Variants in TJP1 observed in about 807,000 individuals in gnomAD.
TJP1 encodes tight junction protein ZO-1.
Under a neutral mutation model 194.2 loss-of-function variants are expected in TJP1, and 43 were observed. The observed-to-expected ratio is 0.22, with a 90% CI of 0.17 to 0.29. TJP1 has a LOEUF of 0.29. Among genes scored for constraint, TJP1 ranks in the 10% least tolerant of loss-of-function variants. TJP1 has a pLI of 1.00. For missense variants in TJP1, 1,971 were observed against 2,185.7 expected (o/e 0.90, Z 1.96); for synonymous variants, 801 against 779.0 (o/e 1.03, Z -0.47).
At chr15:29,947,117 A>C (rs1383848844) in intron 2 of TJP1, among the ~76,000 whole-genome samples, 1 of 152,204 alleles carries the variant, frequency 6.6e-6, no homozygotes, top group Non-Finnish European at 1.5e-5. Flanking sequence ...GTATAAATCT[A>C]AATCATGCAA....
At chr15:29,940,176 C>T (rs1195818260) in intron 2 of TJP1, among the ~76,000 whole-genome samples, 1 of 152,156 alleles carries the variant, frequency 6.6e-6, no homozygotes, top group Non-Finnish European at 1.5e-5. Context: ...CTAGAAAGAA[C>T]TTAACTATAG....
rs899837033 is a variant in TJP1 at position 29,791,108 on chromosome 15, T to C, written c.84+9538A>G. Among the ~76,000 whole-genome samples, 4 of 152,000 alleles carry C rather than the reference T, an allele frequency of 2.6e-5. No homozygotes were observed. The South Asian group carries it at 6.2e-4, about 24-fold the overall frequency. On this transcript the variant is annotated intron_variant, in intron 2 of 27. Transcript: ENST00000614355. ...ATGGCGCGATTTCGGCTCACTGCAA[T>C]CTCTGCCTCCCGGGTTGAAGCAATT...
intron 2 of TJP1, among the ~76,000 whole-genome samples, chr15:29,777,600 T>C (rs978594632): frequency 2.6e-5 from 4 of 152,002 alleles, no homozygotes; most frequent in Admixed American, 2.0e-4. Context: ...CATTAAAGTA[T>C]AACATATTTC....
intron 1 of TJP1, chr15:29,968,530 C>G (rs895053587): frequency 1.2e-5 from 10 of 808,288 alleles, no homozygotes; most frequent in Non-Finnish European, 1.3e-5. Context: ...CGGCGCGCCC[C>G]GCGTCCCGTC....
intron 6 of TJP1, 24 bp downstream of exon 6, chr15:29,762,311 T>TA: frequency 6.3e-7 from 1 of 1,577,862 alleles, no homozygotes; most frequent in Non-Finnish European, 8.7e-7. Context: ...TTCAGTTCAT[T>TA]AAAAAGTAAG....
In TJP1 at chr15:29,880,046, T is replaced by C. The variant is rs1287311145; in HGVS notation, c.306+76186A>G. Among the ~76,000 whole-genome samples the C allele has an allele frequency of 3.9e-5, 6 of 152,246 alleles. 1 individual carries two copies. The highest frequency in any genetic ancestry group is 7.2e-5 in the African/African-American group (3 of 41,462). On this transcript the variant is annotated intron_variant, in intron 2 of 28. Transcript: ENST00000356107. Reference sequence around the variant, plus strand: ...CAAAAAAATTATCATTAGAATACAATTAATTTTAAAATTATGAGAGCTTTT... The same window carrying C: ...CAAAAAAATTATCATTAGAATACAACTAATTTTAAAATTATGAGAGCTTTT...
chr15:29,836,501 G>C (rs1240049572), intron 2 of TJP1, among the ~76,000 whole-genome samples: 1 of 152,010 alleles, frequency 6.6e-6, no homozygotes, highest in Non-Finnish European at 1.5e-5. Flanking sequence ...TCCATCTCCT[G>C]ACCTCGTGAA....
chr15:29,746,400 T>C (rs2044785709), intron 8 of TJP1, among the ~76,000 whole-genome samples: 1 of 148,828 alleles, frequency 6.7e-6, no homozygotes, highest in East Asian at 2.0e-4. Flanking sequence ...AGAAAGAAAA[T>C]AACTTCAAAA....
chr15:29,718,652 C>G lies in TJP1; in HGVS notation c.3490G>C (p.Gly1164Arg), dbSNP rs1029580039. ...ALRHEEQPAP[G>R]YDTHGRLRPE... ...CTGAGTCTACCATGTGTGTCATACC[C>G]AGGAGCTGGCTGCTCTTCGTGCCGC... Residue 1164 changes from glycine to arginine, a missense_variant, in exon 21 of 28, where the codon GGG (glycine) becomes CGG (arginine). Gly to Arg is a moderately radical substitution (Grantham distance 125). Coordinates refer to ENST00000614355, the MANE Select transcript of TJP1 (RefSeq NM_001330239.4). 1 of 1,614,146 alleles carries G rather than the reference C, an allele frequency of 6.2e-7. No homozygotes were observed.
chr15:29,702,813 T>A (rs1038861382), intron 27 of TJP1, among the ~76,000 whole-genome samples: 8 of 152,214 alleles, frequency 5.3e-5, no homozygotes, highest in African/African-American at 1.4e-4. Context: ...ATGCTCTTGC[T>A]ATAATCTTTA....
chr15:29,870,124 G>C (rs976188760), intron 2 of TJP1, among the ~76,000 whole-genome samples: 3 of 151,156 alleles, frequency 2.0e-5, no homozygotes, highest in African/African-American at 4.9e-5. Context: ...ACAGGCGTGA[G>C]CCACTGTGCC....
chr15:29,863,210 C>G (rs886607880), intron 2 of TJP1, among the ~76,000 whole-genome samples: 4 of 151,780 alleles, frequency 2.6e-5, no homozygotes, highest in African/African-American at 4.8e-5. Flanking sequence ...GCAGGAGAAT[C>G]GCTTGAACCC....
chr15:29,811,320 A>C (rs948977198), intron 1 of TJP1, among the ~76,000 whole-genome samples: 7 of 151,786 alleles, frequency 4.6e-5, no homozygotes, highest in African/African-American at 1.7e-4. Context: ...GAAACTAATC[A>C]AACCTGGATT....
chr15:29,933,791 A>G (rs2054797226), intron 2 of TJP1, among the ~76,000 whole-genome samples: 1 of 152,166 alleles, frequency 6.6e-6, no homozygotes, highest in African/African-American at 2.4e-5. Flanking sequence ...AAAAACACAA[A>G]TGCCTGAAAG....
chr15:29,916,483 C>T (rs2054191343), intron 2 of TJP1, among the ~76,000 whole-genome samples: 1 of 151,690 alleles, frequency 6.6e-6, no homozygotes, highest in Non-Finnish European at 1.5e-5. Flanking sequence ...CTAACATCAT[C>T]CTTAATTAAA....
At chr15:29,818,347 T>TACCAC (rs2050079546) in intron 1 of TJP1, among the ~76,000 whole-genome samples, 1 of 152,234 alleles carries the variant, frequency 6.6e-6, no homozygotes, top group South Asian at 2.1e-4. Context: ...CAATGATTCA[T>TACCAC]ACCACTTTCT....
chr15:29,850,181 A>C (rs1436457865), intron 2 of TJP1, among the ~76,000 whole-genome samples: 1 of 152,170 alleles, frequency 6.6e-6, no homozygotes, highest in Non-Finnish European at 1.5e-5. Flanking sequence ...TATGACACTT[A>C]AGTATAGGTG....
At chr15:29,817,864 G>A (rs1052796428) in intron 1 of TJP1, among the ~76,000 whole-genome samples, 3 of 152,200 alleles carry the variant, frequency 2.0e-5, no homozygotes, top group Middle Eastern at 3.4e-3. Flanking sequence ...TGGGGGGAAA[G>A]GGAGGGAAAG....
chr15:29,894,063 G>A (rs1033385401), intron 2 of TJP1, among the ~76,000 whole-genome samples: 1 of 152,160 alleles, frequency 6.6e-6, no homozygotes, highest in African/African-American at 2.4e-5. Context: ...GTTTTTACTG[G>A]TGATTTCATT....
Sources: allele counts gnomAD v4.1 joint callset (sites outside exome capture counted in the v4.1 genomes callset), GRCh38; gene constraint gnomAD v4.1.1; transcripts MANE v1.5; gene names NCBI Gene and HGNC (gene_info 2026-07-23, HGNC 2026-07-21).